Variants in CACNA1D observed in about 807,000 individuals in gnomAD.
The protein encoded by CACNA1D is voltage-dependent L-type calcium channel subunit alpha-1D.
CACNA1D carries 55 observed loss-of-function variants against 257.1 expected under a neutral mutation model. That is an observed-to-expected ratio of 0.21 (90% CI 0.17 to 0.27). The LOEUF is 0.27. Among genes scored for constraint, CACNA1D ranks in the 10% least tolerant of loss-of-function variants. The pLI is 1.00. For synonymous variants in CACNA1D, 980 were observed against 1,014.9 expected (o/e 0.97, Z 0.65); for missense variants, 1,876 against 2,784.0 (o/e 0.67, Z 7.34).
intron 3 of CACNA1D, among the ~76,000 whole-genome samples, chr3:53,542,320 C>T (rs1010931616): frequency 3.3e-5 from 5 of 152,082 alleles, no homozygotes; most frequent in South Asian, 2.1e-4. Flanking sequence ...TGGCTCGTGC[C>T]TGTAATCCCA....
At chr3:53,666,917 A>C (rs2094270785) in intron 7 of CACNA1D, among the ~76,000 whole-genome samples, 1 of 152,140 alleles carries the variant, frequency 6.6e-6, no homozygotes, top group Non-Finnish European at 1.5e-5. Context: ...CCACAGGCTA[A>C]GGTTAATCAT....
chr3:53,583,438 G>C (rs1297835852), intron 3 of CACNA1D, among the ~76,000 whole-genome samples: 1 of 152,168 alleles, frequency 6.6e-6, no homozygotes, highest in African/African-American at 2.4e-5. Flanking sequence ...TCTCTCTAAA[G>C]GACTCTTCAG....
chr3:53,666,646 T>C (rs553197685), intron 7 of CACNA1D, 111 bp downstream of exon 7: 1 of 885,874 alleles, frequency 1.1e-6, no homozygotes, highest in Admixed American at 1.7e-5. Context: ...AAGTCAGTTA[T>C]TTGGGAAGGG....
At chr3:53,802,556 C>A (rs995067894) in intron 43 of CACNA1D, among the ~76,000 whole-genome samples, 2 of 152,242 alleles carry the variant, frequency 1.3e-5, no homozygotes, top group Admixed American at 1.3e-4. Flanking sequence ...TGACCCAAAC[C>A]TCCTGAAGGT....
intron 9 of CACNA1D, among the ~76,000 whole-genome samples, chr3:53,708,551 C>G (rs995243141): frequency 6.6e-6 from 1 of 152,198 alleles, no homozygotes. Context: ...TCTAAAAGTG[C>G]CTGCATGTCT....
At chr3:53,742,572 C>T (rs1196257269) in intron 21 of CACNA1D, among the ~76,000 whole-genome samples, 2 of 152,196 alleles carry the variant, frequency 1.3e-5, no homozygotes, top group Non-Finnish European at 2.9e-5. Context: ...CCTGGGAGCC[C>T]TGAATTCAAG....
At chr3:53,647,555 A>T (rs1342433028) in intron 3 of CACNA1D, among the ~76,000 whole-genome samples, 1 of 152,236 alleles carries the variant, frequency 6.6e-6, no homozygotes, top group African/African-American at 2.4e-5. Flanking sequence ...CTGGGCCCAC[A>T]GTCCCACCTT....
chr3:53,800,197 G>T lies in CACNA1D; in HGVS notation c.4924-52G>T. Reference sequence around the variant, plus strand: ...AGGAGCAAAGCCAGGACCCAGGCTGGCCCCAGGGCCCATGTGTGGTCTAAC... The same window carrying T: ...AGGAGCAAAGCCAGGACCCAGGCTGTCCCCAGGGCCCATGTGTGGTCTAAC... On this transcript the variant is annotated intron_variant, in intron 40 of 47. Transcript: ENST00000350061. This position sits in a 1 kb window ranked among gnomAD's most constrained non-coding sequence, Gnocchi z 4.3. The T allele has an allele frequency of 7.7e-7, 1 of 1,296,556 alleles. No individual in the cohort carries two copies. The highest frequency in any genetic ancestry group is 1.1e-6 in the Non-Finnish European group (1 of 889,948). The allele number at this position is 1,296,556 out of a possible 1,614,324, so 80.3% of individuals were successfully genotyped here. A position where few individuals can be genotyped will look rare whatever the true frequency, so the allele number is the denominator to read the frequency against.
At chr3:53,591,195 T>A (rs1194253550) in intron 3 of CACNA1D, among the ~76,000 whole-genome samples, 2 of 152,182 alleles carry the variant, frequency 1.3e-5, no homozygotes, top group Non-Finnish European at 2.9e-5. Flanking sequence ...ACTCTAATTC[T>A]TTCCTTGAAT....
At chr3:53,739,817 A>G (rs1440236756) in intron 20 of CACNA1D, among the ~76,000 whole-genome samples, 1 of 152,240 alleles carries the variant, frequency 6.6e-6, no homozygotes, top group Non-Finnish European at 1.5e-5. Context: ...ACTGGCTCCG[A>G]CAGATGCCGC....
intron 8 of CACNA1D, among the ~76,000 whole-genome samples, chr3:53,687,067 A>C (rs2094479388): frequency 6.6e-6 from 1 of 152,032 alleles, no homozygotes; most frequent in Non-Finnish European, 1.5e-5. Flanking sequence ...AATAGGAATG[A>C]ATATAAGAAA....
At chr3:53,520,886 C>CT (rs1553713067) in intron 3 of CACNA1D, among the ~76,000 whole-genome samples, 13 of 87,472 alleles carry the variant, frequency 1.5e-4, no homozygotes, top group Admixed American at 1.0e-3. Context: ...TTCTTTCTTT[C>CT]TTTCTTTCTT....
chr3:53,639,281 G>A (rs1462619686), intron 3 of CACNA1D, among the ~76,000 whole-genome samples: 2 of 152,050 alleles, frequency 1.3e-5, no homozygotes, highest in Non-Finnish European at 2.9e-5. Context: ...TGTAGCTTGG[G>A]AAATCACCGA....
chr3:53,588,306 G>T (rs1245765664), intron 3 of CACNA1D, among the ~76,000 whole-genome samples: 1 of 152,176 alleles, frequency 6.6e-6, no homozygotes, highest in East Asian at 1.9e-4. Flanking sequence ...ACCAGTGTTT[G>T]CTGAGTGTGT....
At position 53,810,102 on chromosome 3, in the gene CACNA1D, C is replaced by G. The variant is rs1259445489; in HGVS notation, c.5996C>G (p.Pro1999Arg). The change falls in exon 47 of 48, where the codon CCC becomes CGC. Residue 1999 changes from proline to arginine, a missense_variant. Physicochemically the swap from Pro to Arg is moderately radical, Grantham distance 103. Coordinates refer to ENST00000350061, the MANE Select transcript of CACNA1D (RefSeq NM_001128840.3). The stretch of plus-strand genomic sequence containing the variant: ...CGGGACTGGACACCGTGCTACACCC[C>G]CCTGATCCAAGTGGAGCAGTCAGAG... Reference protein sequence around the residue: ...PYRDWTPCYTPLIQVEQSEAL... With the variant: ...PYRDWTPCYTRLIQVEQSEAL... The G allele has an allele frequency of 6.2e-7, 1 of 1,614,024 alleles. No homozygotes were observed. The highest frequency in any genetic ancestry group is 8.5e-7 in the Non-Finnish European group (1 of 1,180,040).
intron 3 of CACNA1D, among the ~76,000 whole-genome samples, chr3:53,556,173 C>T (rs1343420430): frequency 6.6e-6 from 1 of 152,072 alleles, no homozygotes; most frequent in African/African-American, 2.4e-5. Flanking sequence ...ACAGTTTATC[C>T]ATTTATCTGT....
At chr3:53,731,335 G>T (rs2094989971) in intron 17 of CACNA1D, among the ~76,000 whole-genome samples, 189 bp downstream of exon 17, 1 of 152,178 alleles carries the variant, frequency 6.6e-6, no homozygotes. Flanking sequence ...GCAGTTAGTT[G>T]TGTTTACTGA....
At chr3:53,709,148 G>T (rs2094723385) in intron 9 of CACNA1D, among the ~76,000 whole-genome samples, 2 of 152,180 alleles carry the variant, frequency 1.3e-5, no homozygotes, top group Admixed American at 1.3e-4. Flanking sequence ...CCATACATGA[G>T]CATGCCATTA....
intron 29 of CACNA1D, among the ~76,000 whole-genome samples, chr3:53,757,001 G>A (rs1023369919): frequency 1.2e-4 from 18 of 152,084 alleles, no homozygotes; most frequent in Non-Finnish European, 2.4e-4. Flanking sequence ...TAGCTACTTG[G>A]GCTGGAAAAA....
Sources: gnomAD v4.1 joint callset for allele counts (sites outside exome capture counted in the v4.1 genomes callset) on GRCh38, gnomAD v4.1.1 for gene constraint, Gnocchi (gnomAD v3.1) non-coding constraint, MANE v1.5 for transcripts, NCBI Gene and HGNC (gene_info 2026-07-23, HGNC 2026-07-21) for gene names.